The following SMYD3 variants were observed in gnomAD, a reference collection of about 807,000 sequenced individuals.
The protein encoded by SMYD3 is SET and MYND domain containing 3, also known as histone-lysine N-methyltransferase SMYD3.
SMYD3 carries 36 observed loss-of-function variants against 57.7 expected under a neutral mutation model. The ratio of observed to expected loss-of-function variants is 0.62; its 90% confidence interval spans 0.48 to 0.82. The LOEUF is 0.82. Ranked by LOEUF, SMYD3 falls within the 40% of genes least tolerant of loss-of-function variation. SMYD3 has a pLI of 0.00. For missense variants in SMYD3, 515 were observed against 538.8 expected, an observed-to-expected ratio of 0.96 and a Z score of 0.44; for synonymous variants, 211 against 195.0, an observed-to-expected ratio of 1.08 and a Z score of -0.68.
At chr1:245,932,040 C>T (rs938601409) in intron 5 of SMYD3, among the ~76,000 whole-genome samples, 6 of 152,068 alleles carry the variant, frequency 3.9e-5, no homozygotes, top group African/African-American at 9.7e-5. Context: ...GAAAGTCCTA[C>T]GTTTAATTTT....
intron 8 of SMYD3, among the ~76,000 whole-genome samples, chr1:245,881,765 T>C (rs937947277): frequency 2.6e-5 from 4 of 152,292 alleles, no homozygotes; most frequent in Admixed American, 2.0e-4. Flanking sequence ...CTGATTTTCA[T>C]AGGGTAGTCA....
At chr1:246,246,418 A>T (rs980729778) in intron 5 of SMYD3, among the ~76,000 whole-genome samples, 2 of 152,182 alleles carry the variant, frequency 1.3e-5, no homozygotes, top group African/African-American at 4.8e-5. Context: ...TTGAGTAGCT[A>T]GGGCTCCTGT....
intron 1 of SMYD3, among the ~76,000 whole-genome samples, chr1:246,487,052 G>T (rs2068199241): frequency 6.6e-6 from 1 of 152,116 alleles, no homozygotes; most frequent in African/African-American, 2.4e-5. Flanking sequence ...GTTTAAATAA[G>T]AACAGTCAGA....
chr1:245,877,745 G>A (rs921860639), intron 8 of SMYD3, among the ~76,000 whole-genome samples: 1 of 152,194 alleles, frequency 6.6e-6, no homozygotes, highest in Non-Finnish European at 1.5e-5. Flanking sequence ...ATGTAGAAAG[G>A]TGTTTAGGAA....
intron 1 of SMYD3, among the ~76,000 whole-genome samples, chr1:246,408,000 G>A (rs534584467): frequency 6.6e-6 from 1 of 152,058 alleles, no homozygotes; most frequent in Non-Finnish European, 1.5e-5. Flanking sequence ...TTCATTTACA[G>A]ATGGTGTTGC....
intron 1 of SMYD3, among the ~76,000 whole-genome samples, chr1:246,373,640 T>C (rs1483929443): frequency 6.6e-6 from 1 of 152,162 alleles, no homozygotes; most frequent in Non-Finnish European, 1.5e-5. Flanking sequence ...GAAACCGTTA[T>C]TAAAAAGAAG....
intron 5 of SMYD3, among the ~76,000 whole-genome samples, chr1:245,945,962 G>C (rs896845911): frequency 1.8e-4 from 28 of 152,166 alleles, no homozygotes; most frequent in African/African-American, 6.8e-4. Context: ...GGCCTGTCCG[G>C]GGATTGAGGG....
At chr1:245,772,169 A>T (rs1553317510) in intron 10 of SMYD3, among the ~76,000 whole-genome samples, 1 of 152,188 alleles carries the variant, frequency 6.6e-6, no homozygotes, top group Non-Finnish European at 1.5e-5. Flanking sequence ...ATTAAGATGG[A>T]TCTGCACTCC....
intron 8 of SMYD3, among the ~76,000 whole-genome samples, chr1:245,895,108 G>A (rs1468981134): frequency 2.0e-5 from 3 of 152,140 alleles, no homozygotes; most frequent in Non-Finnish European, 2.9e-5. Context: ...GCCTCTCCCC[G>A]TATGTCATAG....
chr1:245,878,368 G>C (rs1490860306), intron 8 of SMYD3, among the ~76,000 whole-genome samples: 2 of 152,148 alleles, frequency 1.3e-5, no homozygotes, highest in African/African-American at 4.8e-5. Context: ...GGGCAGCAAG[G>C]GGGGCGAGGT....
intron 5 of SMYD3, among the ~76,000 whole-genome samples, chr1:246,180,273 GTATATA>G (rs2062516794): frequency 7.5e-6 from 1 of 134,198 alleles, no homozygotes; most frequent in African/African-American, 3.0e-5. Context: ...ATATATATGT[GTATATA>G]TAAACTACTT....
intron 5 of SMYD3, among the ~76,000 whole-genome samples, chr1:246,289,350 A>C (rs941821446): frequency 6.6e-6 from 1 of 152,204 alleles, no homozygotes; most frequent in African/African-American, 2.4e-5. Flanking sequence ...ATTTCTGTCC[A>C]GCAGAAAGGA....
chr1:246,026,655 A>C (rs1323426153), intron 5 of SMYD3, among the ~76,000 whole-genome samples: 2 of 152,234 alleles, frequency 1.3e-5, no homozygotes, highest in Admixed American at 6.5e-5. Context: ...CATATGAGAC[A>C]GTTAACTTAA....
chr1:245,868,064 C>T (rs953972631), intron 8 of SMYD3, among the ~76,000 whole-genome samples: 6 of 152,234 alleles, frequency 3.9e-5, no homozygotes, highest in Non-Finnish European at 8.8e-5. Flanking sequence ...AAATGCTCTG[C>T]TGAATGTCTA....
intron 5 of SMYD3, among the ~76,000 whole-genome samples, chr1:246,152,919 C>T (rs2061964827): frequency 1.3e-5 from 2 of 152,182 alleles, no homozygotes; most frequent in African/African-American, 4.8e-5. Flanking sequence ...AGTAAGCACT[C>T]AATAAATGTT....
At chr1:245,832,098 T>G (rs2049868997) in intron 10 of SMYD3, among the ~76,000 whole-genome samples, 3 of 152,222 alleles carry the variant, frequency 2.0e-5, no homozygotes, top group African/African-American at 7.2e-5. Flanking sequence ...TTTTACCACA[T>G]TCAGTCCAGA....
chr1:246,215,068 TCAC>T (rs1451072416), intron 5 of SMYD3, among the ~76,000 whole-genome samples: 2 of 152,130 alleles, frequency 1.3e-5, no homozygotes, highest in Non-Finnish European at 2.9e-5. Flanking sequence ...TCATCGGTCA[TCAC>T]CACAATGGCC....
At chr1:246,046,447 G>A (rs1356229084) in intron 5 of SMYD3, among the ~76,000 whole-genome samples, 1 of 151,968 alleles carries the variant, frequency 6.6e-6, no homozygotes, top group Admixed American at 6.6e-5. Flanking sequence ...GACACAGGAA[G>A]GGGAACATCA....
intron 5 of SMYD3, among the ~76,000 whole-genome samples, chr1:246,059,608 G>C (rs2060216606): frequency 6.6e-6 from 1 of 152,126 alleles, no homozygotes; most frequent in South Asian, 2.1e-4. Context: ...TTAGACTTGA[G>C]GCTGAGGAAC....
Sources: gnomAD v4.1 joint callset for allele counts (sites outside exome capture counted in the v4.1 genomes callset) on GRCh38, gnomAD v4.1.1 for gene constraint, MANE v1.5 for transcripts, NCBI Gene and HGNC (gene_info 2026-07-23, HGNC 2026-07-21) for gene names.